CSMD1: variants seen among roughly 807,000 people sequenced by gnomAD.
CSMD1 encodes the protein CUB and sushi domain-containing protein 1.
A neutral mutation model predicts 417.5 loss-of-function variants in CSMD1; 213 were observed. That is an observed-to-expected ratio of 0.51 (90% CI 0.46 to 0.57). The LOEUF (loss-of-function observed/expected upper bound fraction) is 0.57, where lower values mean the gene tolerates loss of function less well. Ranked by LOEUF, CSMD1 falls within the 20% of genes least tolerant of loss-of-function variation. The pLI, the probability that CSMD1 is intolerant of heterozygous loss-of-function variation, is 0.00. For synonymous variants in CSMD1, 2,862 were observed against 1,736.8 expected, an observed-to-expected ratio of 1.65 and a Z score of -16.11; for missense variants, 6,923 against 4,529.7, an observed-to-expected ratio of 1.53 and a Z score of -15.17.
chr8:4,206,401 G>T (rs1427225468), intron 3 of CSMD1, among the ~76,000 whole-genome samples: 2 of 151,528 alleles, frequency 1.3e-5, no homozygotes, highest in Non-Finnish European at 2.9e-5. Flanking sequence ...GTCTCCAACT[G>T]TTCAGTTCCC....
chr8:4,080,964 T>C (rs1280449139), intron 3 of CSMD1, among the ~76,000 whole-genome samples: 1 of 152,158 alleles, frequency 6.6e-6, no homozygotes, highest in Non-Finnish European at 1.5e-5. Context: ...CTGAATCAAA[T>C]TAATGCCCTT....
At chr8:4,956,366 G>C (rs1007909268) in intron 1 of CSMD1, among the ~76,000 whole-genome samples, 2 of 150,506 alleles carry the variant, frequency 1.3e-5, no homozygotes, top group African/African-American at 4.9e-5. Flanking sequence ...TTTACCGTAA[G>C]ATAGGATGAT....
chr8:4,295,085 T>C (rs576565036), intron 3 of CSMD1, among the ~76,000 whole-genome samples: 1 of 147,508 alleles, frequency 6.8e-6, no homozygotes, highest in East Asian at 2.0e-4. Flanking sequence ...CATATAATCT[T>C]AAGATTACAC....
At chr8:4,716,106 G>A (rs1217212138) in intron 1 of CSMD1, among the ~76,000 whole-genome samples, 1 of 152,218 alleles carries the variant, frequency 6.6e-6, no homozygotes, top group African/African-American at 2.4e-5. Context: ...CTCTTAGTCG[G>A]GAGACTCACA....
At chr8:3,267,387 GC>G (rs1271504555) in intron 26 of CSMD1, among the ~76,000 whole-genome samples, 1 of 152,210 alleles carries the variant, frequency 6.6e-6, no homozygotes, top group African/African-American at 2.4e-5. Flanking sequence ...ATACAAAGGT[GC>G]GTTGGAGCAA....
chr8:3,142,802 TGGAGG>T, intron 40 of CSMD1, 128 bp from the exon 41 acceptor site: 5 of 822,592 alleles, frequency 6.1e-6, no homozygotes, highest in South Asian at 1.6e-5. Flanking sequence ...AACCATGCCG[TGGAGG>T]ACGGCATTCA....
In CSMD1 at chr8:3,409,483, C is replaced by T. The variant is rs773972427; in HGVS notation, c.1684G>A (p.Glu562Lys). ...TTCTGCTGACAGGTGATAACTCTCT[C>T]CCCCACCAGCTCAAAGGCCGCCGGG... ...ECPAAFELVG[E>K]RVITCQQNNQ... The change falls in exon 13 of 70, where the codon GAG becomes AAG. Residue 562 changes from glutamate (E) to lysine (K), a missense_variant. Physicochemically the swap from Glu to Lys is moderately conservative, Grantham distance 56. Transcript: ENST00000635120. 6.2e-6 allele frequency: 10 copies of T among 1,611,486 alleles called. No individual in the cohort carries two copies. The highest frequency in any genetic ancestry group is 8.5e-6 in the Non-Finnish European group (10 of 1,178,896).
At chr8:4,270,014 C>G (rs950082762) in intron 3 of CSMD1, among the ~76,000 whole-genome samples, 2 of 152,166 alleles carry the variant, frequency 1.3e-5, no homozygotes, top group African/African-American at 4.8e-5. Flanking sequence ...AGATGAGCTT[C>G]AACTCTGCAG....
Position 3,384,345 on chromosome 8 carries a change from G to C in CSMD1, c.2782+3149C>G, listed in dbSNP as rs1304443764. Among the ~76,000 whole-genome samples, 4 of 152,032 alleles carry C rather than the reference G, an allele frequency of 2.6e-5. No individual in the cohort carries two copies. In the East Asian group the frequency reaches 5.8e-4, roughly 22 times the overall value. ...AAATCAAATCAGGCATCCAATTTGAGCAACACTATGTCTTAATAGGATATC... is the reference window on the plus strand; with the variant it reads ...AAATCAAATCAGGCATCCAATTTGACCAACACTATGTCTTAATAGGATATC... On this transcript the variant is annotated intron_variant, in intron 18 of 69. Transcript: ENST00000635120.
intron 3 of CSMD1, among the ~76,000 whole-genome samples, chr8:4,350,865 T>C (rs1219527297): frequency 6.6e-6 from 1 of 152,192 alleles, no homozygotes; most frequent in Admixed American, 6.5e-5. Context: ...GTGGCTCTAG[T>C]TCCGGTGGAT....
intron 5 of CSMD1, among the ~76,000 whole-genome samples, chr8:3,964,465 T>A (rs185540497): frequency 1.1e-3 from 170 of 152,300 alleles, no homozygotes; most frequent in Middle Eastern, 6.8e-3. Context: ...GGTGCTGGTA[T>A]GCCTCATTTT....
At chr8:4,924,237 T>C (rs73189614) in intron 1 of CSMD1, among the ~76,000 whole-genome samples, 136 of 152,346 alleles carry the variant, frequency 8.9e-4, no homozygotes, top group Non-Finnish European at 1.7e-3. Context: ...TTTATTTTCA[T>C]CTATGTGACC....
intron 13 of CSMD1, 88 bp from the exon 14 acceptor site, chr8:3,408,313 C>G: frequency 3.2e-6 from 3 of 950,464 alleles, no homozygotes; most frequent in Non-Finnish European, 4.7e-6. Context: ...CCTGGAAAGG[C>G]AATTCATGCC....
chr8:3,728,643 G>C (rs181606620), intron 6 of CSMD1, among the ~76,000 whole-genome samples: 1 of 152,166 alleles, frequency 6.6e-6, no homozygotes, highest in Non-Finnish European at 1.5e-5. Context: ...TGGAGCAGTC[G>C]TGTGGGGAGC....
intron 1 of CSMD1, among the ~76,000 whole-genome samples, chr8:4,744,699 T>C (rs1424194898): frequency 2.6e-5 from 4 of 152,212 alleles, no homozygotes; most frequent in African/African-American, 4.8e-5. Flanking sequence ...TTTTACATAA[T>C]GCTTTTCTCA....
chr8:4,162,974 T>C (rs1264240632), intron 3 of CSMD1, among the ~76,000 whole-genome samples: 1 of 152,126 alleles, frequency 6.6e-6, no homozygotes, highest in Non-Finnish European at 1.5e-5. Context: ...TGCCCTAGAG[T>C]AGGAATCACA....
chr8:4,182,627 A>G (rs1798442184), intron 3 of CSMD1, among the ~76,000 whole-genome samples: 1 of 152,166 alleles, frequency 6.6e-6, no homozygotes, highest in Non-Finnish European at 1.5e-5. Context: ...AGTGTTTATC[A>G]TATATACTCA....
At chr8:3,891,809 C>T (rs931870617) in intron 5 of CSMD1, among the ~76,000 whole-genome samples, 2 of 152,150 alleles carry the variant, frequency 1.3e-5, no homozygotes, top group South Asian at 4.1e-4. Context: ...TCAATTATTT[C>T]TACAAGCCTA....
chr8:3,637,022 T>C (rs574145574), intron 7 of CSMD1, among the ~76,000 whole-genome samples: 4 of 152,214 alleles, frequency 2.6e-5, no homozygotes, highest in Admixed American at 6.5e-5. Flanking sequence ...CCTTCCACCA[T>C]GGAATAACGA....
Sources: gnomAD v4.1 joint callset for allele counts (sites outside exome capture counted in the v4.1 genomes callset) on GRCh38, gnomAD v4.1.1 for gene constraint, MANE v1.5 for transcripts, NCBI Gene and HGNC (gene_info 2026-07-23, HGNC 2026-07-21) for gene names.